Variants in MT1E observed in about 807,000 individuals in gnomAD.
The protein encoded by MT1E is metallothionein 1E, also known as metallothionein-1E.
MT1E carries 1 observed loss-of-function variant against 2.4 expected under a neutral mutation model. The observed-to-expected ratio is 0.41, with a 90% CI of 0.15 to 1.97. The LOEUF (loss-of-function observed/expected upper bound fraction) is 1.97, where lower values mean the gene tolerates loss of function less well. Among genes scored for constraint, MT1E ranks in the 30% most tolerant of loss-of-function variants. The probability of loss-of-function intolerance (pLI) is 0.30; values close to 1 mark genes in which losing one functional copy is unlikely to be tolerated. For synonymous variants in MT1E, 78 were observed against 63.0 expected, an observed-to-expected ratio of 1.24 and a Z score of -1.13; for missense variants, 145 against 149.6, an observed-to-expected ratio of 0.97 and a Z score of 0.16.
Position 56,626,737 on chromosome 16 carries a change from C to T in MT1E, c.300C>T (p.Pro100=), listed in dbSNP as rs182290972. The change falls in exon 2 of 2, where the codon CCC becomes CCT. Residue 100 remains proline, a synonymous_variant. Transcript: ENST00000330439. The part of the protein sequence containing the change: ...FSWDTNPNCT[P]YGFRTELCQT... Reference sequence around the variant, plus strand: ...GGGACACAAACCCCAACTGTACCCCCTATGGTTTCAGAACAGAGCTGTGCC... The same window carrying T: ...GGGACACAAACCCCAACTGTACCCCTTATGGTTTCAGAACAGAGCTGTGCC... 4.7e-4 allele frequency: 753 copies of T among 1,605,266 alleles called. No individual in the cohort carries two copies. The highest frequency in any genetic ancestry group is 6.2e-4 in the Non-Finnish European group (727 of 1,176,154).
In MT1E at chr16:56,626,769, A is replaced by G. The variant is rs1172550694; in HGVS notation, c.332A>G (p.Lys111Arg). The change falls in exon 2 of 2, where the codon AAA (lysine) becomes AGA (arginine). Residue 111 changes from lysine to arginine, a missense_variant. By Grantham distance (26) the Lys-to-Arg change is conservative. Transcript: ENST00000330439. ...YGFRTELCQT[K>R]KSILWVWVLS... The stretch of plus-strand genomic sequence containing the variant: ...TTCAGAACAGAGCTGTGCCAGACGA[A>G]AAAAAGCATCCTCTGGGTCTGGGTT... 2 of 1,613,372 alleles carry G rather than the reference A, an allele frequency of 1.2e-6. No homozygotes were observed. The highest frequency in any genetic ancestry group is 1.7e-5 in the Admixed American group (1 of 59,962).
At position 56,627,074 on chromosome 16, in the gene MT1E, TA is replaced by T; in HGVS notation, c.*256del. On this transcript the variant is annotated 3_prime_UTR_variant, in exon 2 of 2. Coordinates refer to ENST00000330439, the MANE Select transcript of MT1E (RefSeq NM_001363555.2). ...CCATTTGCTGCATTTCTTTTTATACTAAATATGTGACTGACAATAAAAACAA... is the reference window on the plus strand; with the variant it reads ...CCATTTGCTGCATTTCTTTTTATACTAATATGTGACTGACAATAAAAACAA... 7.0e-7 allele frequency: 1 copy of T among 1,432,132 alleles called. No homozygotes were observed. The allele number at this position is 1,432,132 out of a possible 1,614,324, so 88.7% of individuals were successfully genotyped here.
chr16:56,626,802 C>A lies in MT1E; in HGVS notation c.365C>A (p.Ser122Ter), dbSNP rs747433169. Residue 122 changes from serine to a stop codon, truncating the protein, a stop_gained, in exon 2 of 2, where the codon TCG (serine) becomes TAG (stop). Coordinates refer to ENST00000330439, the MANE Select transcript of MT1E (RefSeq NM_001363555.2). LOFTEE classifies it high-confidence loss of function. ...KSILWVWVLSSSQACY is the reference protein window; with the variant it reads ...KSILWVWVLS Reference sequence around the variant, plus strand: ...ATCCTCTGGGTCTGGGTTCTGAGCTCGAGCCAGGCTTGCTATTAGGGCAGG... The same window carrying A: ...ATCCTCTGGGTCTGGGTTCTGAGCTAGAGCCAGGCTTGCTATTAGGGCAGG... 72 of 1,613,910 alleles carry A rather than the reference C, an allele frequency of 4.5e-5. No homozygotes were observed. Among genetic ancestry groups the A allele is most frequent in the Non-Finnish European group, 5.8e-5 (68 of 1,179,950 alleles).
At chr16:56,625,982 C>T in intron 1 of MT1E, 103 bp downstream of exon 1, 1 of 1,344,070 alleles carries the variant, frequency 7.4e-7, no homozygotes, top group Non-Finnish European at 1.1e-6. Flanking sequence ...GACGGGGACT[C>T]CAGTACTTCG....
chr16:56,626,319 A>G (rs1960207645), intron 1 of MT1E, 147 bp from the exon 2 acceptor site: 1 of 1,259,296 alleles, frequency 7.9e-7, no homozygotes, highest in Non-Finnish European at 1.1e-6. Context: ...TGGAGAGGAC[A>G]TGGGGCTTCT....
rs113904418 is a variant in MT1E, at chr16:56,626,582, G to A, written c.145G>A (p.Gly49Arg). 8 of 1,614,260 alleles carry A rather than the reference G, an allele frequency of 5.0e-6. No individual in the cohort carries two copies. The African/African-American group carries it at 6.7e-5, about 13-fold the overall frequency. The change falls in exon 2 of 2, where the codon GGG becomes AGG. Residue 49 changes from glycine to arginine, a missense_variant. By Grantham distance (125) the Gly-to-Arg change is moderately radical. Coordinates refer to ENST00000330439, the MANE Select transcript of MT1E (RefSeq NM_001363555.2). ...RNLGLWLRLG[G>R]NSRLALSASF... ...TCTGGGGCTGTGGCTCAGGTTGGGA[G>A]GGAACTCAAGGCTGGCCCTGAGTGC...
At chr16:56,626,416 T>A in intron 1 of MT1E, 50 bp from the exon 2 acceptor site, 6 of 1,614,110 alleles carry the variant, frequency 3.7e-6, no homozygotes, top group Non-Finnish European at 5.1e-6. Context: ...CCCACTGCTG[T>A]ACCTTCTGCA....
rs760554501 is a variant in MT1E, at chr16:56,626,545, C to T, written c.108C>T (p.Ala36=). The T allele has an allele frequency of 6.2e-7, 1 of 1,614,236 alleles. No individual in the cohort carries two copies. The highest frequency in any genetic ancestry group is 1.3e-5 in the African/African-American group (1 of 75,062). ...CTSCKKSECG[A]ISRNLGLWLR... ...CCTGCAAGAAGAGTGAGTGCGGGGC[C>T]ATCTCCAGGAATCTGGGGCTGTGGC... Residue 36 remains alanine (A), a synonymous_variant, in exon 2 of 2, where the codon GCC becomes GCT. Coordinates refer to ENST00000330439, the MANE Select transcript of MT1E (RefSeq NM_001363555.2).
Position 56,626,882 on chromosome 16 carries a change from T to C in MT1E, c.*61T>C, listed in dbSNP as rs1161441669. The C allele has an allele frequency of 1.1e-5, 18 of 1,614,098 alleles. No homozygotes were observed. Among genetic ancestry groups the C allele is most frequent in the Non-Finnish European group, 1.5e-5 (18 of 1,180,044 alleles). ...CTCACTCTCCCCTTCTTCCCCAGGC[T>C]GCTGTTCCTGCTGCCCCGTGGGCTG... On this transcript the variant is annotated 3_prime_UTR_variant, in exon 2 of 2. Coordinates refer to ENST00000330439, the MANE Select transcript of MT1E (RefSeq NM_001363555.2).
In MT1E at chr16:56,626,700, C is replaced by A. The variant is rs950574559; in HGVS notation, c.263C>A (p.Ala88Glu). The A allele has an allele frequency of 5.7e-6, 9 of 1,589,190 alleles. No homozygotes were observed. The highest frequency in any genetic ancestry group is 1.3e-5 in the African/African-American group (1 of 74,210). ...CCTAAATTCAGATGGGGCAGGACAGCATTTTTCTCGTGGGACACAAACCCC... is the reference window on the plus strand; with the variant it reads ...CCTAAATTCAGATGGGGCAGGACAGAATTTTTCTCGTGGGACACAAACCCC... ...FCPKFRWGRTAFFSWDTNPNC... is the reference protein window; with the variant it reads ...FCPKFRWGRTEFFSWDTNPNC... Residue 88 changes from alanine to glutamate, a missense_variant, in exon 2 of 2, where the codon GCA becomes GAA. By Grantham distance (107) the Ala-to-Glu change is moderately radical. Transcript: ENST00000330439.
chr16:56,625,971 C>T, intron 1 of MT1E, 92 bp downstream of exon 1: 2 of 1,443,312 alleles, frequency 1.4e-6, no homozygotes, highest in Non-Finnish European at 9.7e-7. Context: ...AAGTTCTGAG[C>T]GACGGGGACT....
rs1567341955 is a variant in MT1E at position 56,626,518 on chromosome 16, C to T, written c.81C>T (p.Thr27=). ...GSCKCKECKC[T]SCKKSECGAI... is the part of the protein sequence containing the mutation. ...GCAAGTGCAAAGAGTGCAAATGCAC[C>T]TCCTGCAAGAAGAGTGAGTGCGGGG... The change falls in exon 2 of 2, where the codon ACC becomes ACT. Residue 27 remains threonine, a synonymous_variant. Transcript: ENST00000330439. 6.2e-7 allele frequency: 1 copy of T among 1,614,150 alleles called. No individual in the cohort carries two copies. Among genetic ancestry groups the T allele is most frequent in the Non-Finnish European group, 8.5e-7 (1 of 1,180,058 alleles).
chr16:56,626,441 C>A (rs563812104), intron 1 of MT1E, 25 bp from the exon 2 acceptor site: 24 of 1,614,222 alleles, frequency 1.5e-5, no homozygotes, highest in African/African-American at 1.5e-4. Context: ...ACTCACTGCC[C>A]ACTGCGTTTT....
chr16:56,626,394 G>A, intron 1 of MT1E, 72 bp from the exon 2 acceptor site: 1 of 1,609,480 alleles, frequency 6.2e-7, no homozygotes, highest in Non-Finnish European at 8.5e-7. Context: ...GGGGGCACTG[G>A]AGACTCACTG....
In MT1E at chr16:56,627,039, C is replaced by A. The variant is rs79628180; in HGVS notation, c.*218C>A. On this transcript the variant is annotated 3_prime_UTR_variant, in exon 2 of 2. Coordinates refer to ENST00000330439, the MANE Select transcript of MT1E (RefSeq NM_001363555.2). ...CACAACCTGGATTTTTTTAAAAATA[C>A]AACACTGAGCCATTTGCTGCATTTC... 35,048 of 1,568,296 alleles carry A rather than the reference C, an allele frequency of 0.022. 570 individuals carry two copies. The highest frequency in any genetic ancestry group is 0.078 in the African/African-American group (5,750 of 73,496).
rs1452799027 is a variant in MT1E at position 56,626,763 on chromosome 16, A to G, written c.326A>G (p.Gln109Arg). ...TPYGFRTELC[Q>R]TKKSILWVWV... ...TATGGTTTCAGAACAGAGCTGTGCC[A>G]GACGAAAAAAAGCATCCTCTGGGTC... is the stretch of plus-strand genomic sequence containing the variant. Residue 109 changes from glutamine (Q) to arginine (R), a missense_variant, in exon 2 of 2, where the codon CAG becomes CGG. Transcript: ENST00000330439. The G allele has an allele frequency of 6.2e-7, 1 of 1,612,704 alleles. No homozygotes were observed. The highest frequency in any genetic ancestry group is 8.5e-7 in the Non-Finnish European group (1 of 1,179,492).
In MT1E at chr16:56,626,732, AC is replaced by A. The variant is rs1422301552; in HGVS notation, c.300del (p.Tyr101MetfsTer20). The A allele has an allele frequency of 1.2e-6, 2 of 1,601,754 alleles. No individual in the cohort carries two copies. The highest frequency in any genetic ancestry group is 1.7e-6 in the Non-Finnish European group (2 of 1,174,650). On this transcript the variant is annotated frameshift_variant, in exon 2 of 2. Transcript: ENST00000330439. LOFTEE classifies it low-confidence loss of function (END_TRUNC). ...FFSWDTNPNC[T>X]PYGFRTELCQ... ...CTCGTGGGACACAAACCCCAACTGT[AC>A]CCCCTATGGTTTCAGAACAGAGCTG...
In MT1E at chr16:56,626,476, C is replaced by A. The variant is rs1305557095; in HGVS notation, c.39C>A (p.Cys13Ter). 6.2e-7 allele frequency: 1 copy of A among 1,614,002 alleles called. No individual in the cohort carries two copies. Among genetic ancestry groups the A allele is most frequent in the South Asian group, 1.1e-5 (1 of 91,086 alleles). ...PNCSCATGGS[C>*]TCAGSCKCKE... The stretch of plus-strand genomic sequence containing the variant: ...TCCTCTTCCTTGTAGGTGGCTCCTG[C>A]ACGTGCGCCGGCTCCTGCAAGTGCA... The change falls in exon 2 of 2, where the codon TGC becomes TGA. Residue 13 changes from cysteine (C) to a stop codon, truncating the protein, a stop_gained. Coordinates refer to ENST00000330439, the MANE Select transcript of MT1E (RefSeq NM_001363555.2). LOFTEE classifies it low-confidence loss of function (END_TRUNC).
At position 56,626,824 on chromosome 16, in the gene MT1E, CA is replaced by C; in HGVS notation, c.*4del. Reference sequence around the variant, plus strand: ...GCTCGAGCCAGGCTTGCTATTAGGGCAGGGAGGTGCCCGGTCAAGTCTACTG... The same window carrying C: ...GCTCGAGCCAGGCTTGCTATTAGGGCGGGAGGTGCCCGGTCAAGTCTACTG... On this transcript the variant is annotated 3_prime_UTR_variant, in exon 2 of 2. Coordinates refer to ENST00000330439, the MANE Select transcript of MT1E (RefSeq NM_001363555.2). 1 of 1,614,136 alleles carries C rather than the reference CA, an allele frequency of 6.2e-7. No homozygotes were observed. Among genetic ancestry groups the C allele is most frequent in the Non-Finnish European group, 8.5e-7 (1 of 1,179,994 alleles).
Sources: gnomAD v4.1 joint callset for allele counts on GRCh38, gnomAD v4.1.1 for gene constraint, MANE v1.5 for transcripts, NCBI Gene and HGNC (gene_info 2026-07-23, HGNC 2026-07-21) for gene names.